Variants in LRRFIP2 observed in about 807,000 individuals in gnomAD.
LRRFIP2 encodes leucine-rich repeat flightless-interacting protein 2.
LRRFIP2 carries 109 observed loss-of-function variants against 125.9 expected under a neutral mutation model. The ratio of observed to expected loss-of-function variants is 0.87; its 90% confidence interval spans 0.74 to 1.01. The LOEUF (loss-of-function observed/expected upper bound fraction) is 1.01, where lower values mean the gene tolerates loss of function less well. LRRFIP2 is among the 50% of genes least tolerant of loss of function. LRRFIP2 has a pLI of 0.00. For missense variants in LRRFIP2, 850 were observed against 862.3 expected (o/e 0.99, Z 0.18); for synonymous variants, 291 against 293.1 (o/e 0.99, Z 0.07).
At chr3:37,068,525 T>C (rs2090570506) in intron 21 of LRRFIP2, 1 of 152,224 alleles carries the variant, frequency 6.6e-6, no homozygotes, top group South Asian at 2.1e-4. Flanking sequence ...TGAAGACTAC[T>C]AAAATACCTT....
intron 18 of LRRFIP2, among the ~76,000 whole-genome samples, chr3:37,087,634 C>T (rs1341103309): frequency 6.6e-6 from 1 of 151,434 alleles, no homozygotes; most frequent in African/African-American, 2.4e-5. Context: ...TGTCACCCAA[C>T]CTGGAGTGCA....
At chr3:37,116,977 TTG>T (rs2094819760) in intron 6 of LRRFIP2, among the ~76,000 whole-genome samples, 1 of 152,066 alleles carries the variant, frequency 6.6e-6, no homozygotes, top group Non-Finnish European at 1.5e-5. Context: ...TAACAAAATC[TTG>T]TTACAAAATT....
chr3:37,152,246 A>G (rs1261516948), intron 1 of LRRFIP2, among the ~76,000 whole-genome samples: 3 of 152,206 alleles, frequency 2.0e-5, no homozygotes, highest in Non-Finnish European at 4.4e-5. Flanking sequence ...AAATATACAG[A>G]CACAAAGGCA....
intron 1 of LRRFIP2, among the ~76,000 whole-genome samples, chr3:37,165,731 G>A (rs538766927): frequency 9.3e-5 from 14 of 149,744 alleles, no homozygotes; most frequent in East Asian, 2.0e-4. Flanking sequence ...ACTCTAGCCC[G>A]GGCAACAAGA....
chr3:37,061,719 A>G (rs970278397), intron 24 of LRRFIP2, among the ~76,000 whole-genome samples: 7 of 152,258 alleles, frequency 4.6e-5, no homozygotes, highest in Middle Eastern at 6.8e-3. Context: ...ACCCAGCCTC[A>G]GGTATTCCTT....
At chr3:37,136,654 C>T (rs1030647920) in intron 2 of LRRFIP2, among the ~76,000 whole-genome samples, 7 of 151,806 alleles carry the variant, frequency 4.6e-5, no homozygotes, top group African/African-American at 9.7e-5. Flanking sequence ...CATTATGAAT[C>T]TCAAAGAAGA....
Position 37,167,234 on chromosome 3 carries a change from GA to G in LRRFIP2, c.-56+7304del, listed in dbSNP as rs2096516384. On this transcript the variant is annotated intron_variant, in intron 1 of 27. Transcript: ENST00000336686. Reference sequence around the variant, plus strand: ...AAAAAGAAAGAAAGAAAGAAAAGAAGAGAAAAAGAAAAGATGCACAATGTCA... The same window carrying G: ...AAAAAGAAAGAAAGAAAGAAAAGAAGGAAAAAGAAAAGATGCACAATGTCA... Among the ~76,000 whole-genome samples, 6 of 149,436 alleles carry G rather than the reference GA, an allele frequency of 4.0e-5. 1 individual carries two copies. Among genetic ancestry groups the G allele is most frequent in the African/African-American group, 1.5e-4 (6 of 40,700 alleles).
intron 6 of LRRFIP2, among the ~76,000 whole-genome samples, chr3:37,119,800 C>T (rs2094945560): frequency 1.3e-5 from 2 of 152,134 alleles, no homozygotes; most frequent in Admixed American, 1.3e-4. Context: ...GCTGGGATTA[C>T]AGGCGTGAGC....
At chr3:37,113,044 T>C in intron 7 of LRRFIP2, 64 bp from the exon 8 acceptor site, 1 of 908,654 alleles carries the variant, frequency 1.1e-6, no homozygotes, top group Non-Finnish European at 1.8e-6. Flanking sequence ...AATAATAAAA[T>C]TCATCTTCAA....
chr3:37,173,267 G>C (rs934066491), intron 1 of LRRFIP2, among the ~76,000 whole-genome samples: 1 of 151,876 alleles, frequency 6.6e-6, no homozygotes, highest in East Asian at 1.9e-4. Context: ...CCTGGCTGGA[G>C]TGCAGTGGTG....
At chr3:37,100,507 CAG>C in intron 15 of LRRFIP2, among the ~76,000 whole-genome samples, 1 of 149,856 alleles carries the variant, frequency 6.7e-6, no homozygotes, top group Middle Eastern at 3.4e-3. Context: ...TATAAAATAA[CAG>C]GGGTTAGCCA....
chr3:37,062,820 T>C (rs960367925), intron 24 of LRRFIP2, among the ~76,000 whole-genome samples: 14 of 152,008 alleles, frequency 9.2e-5, no homozygotes, highest in Admixed American at 9.2e-4. Flanking sequence ...CAAACCCTCT[T>C]CTCAGGAAGC....
intron 1 of LRRFIP2, among the ~76,000 whole-genome samples, chr3:37,164,679 C>T (rs2096432084): frequency 6.6e-6 from 1 of 151,374 alleles, no homozygotes; most frequent in African/African-American, 2.4e-5. Context: ...CAAGATCATG[C>T]CACTGCACTC....
At chr3:37,100,882 C>T (rs1372111419) in intron 15 of LRRFIP2, among the ~76,000 whole-genome samples, 1 of 152,110 alleles carries the variant, frequency 6.6e-6, no homozygotes, top group East Asian at 1.9e-4. Context: ...ATTAGACCCA[C>T]ACCAAGATGA....
intron 2 of LRRFIP2, 28 bp downstream of exon 2, chr3:37,148,866 G>A (rs758885543): frequency 2.5e-6 from 4 of 1,613,532 alleles, no homozygotes; most frequent in Non-Finnish European, 3.4e-6. Context: ...GTGCAACTCA[G>A]TGTTGAGAGG....
chr3:37,075,605 T>C (rs543430174), intron 19 of LRRFIP2, among the ~76,000 whole-genome samples: 2 of 152,278 alleles, frequency 1.3e-5, no homozygotes, highest in South Asian at 4.1e-4. Context: ...ATTAAAAGTC[T>C]CACAACATTA....
Position 37,115,069 on chromosome 3 carries a change from T to C in LRRFIP2, c.357A>G (p.Ser119=), listed in dbSNP as rs2094717293. The C allele has an allele frequency of 6.2e-7, 1 of 1,607,192 alleles. No individual in the cohort carries two copies. Among genetic ancestry groups the C allele is most frequent in the Non-Finnish European group, 8.5e-7 (1 of 1,175,812 alleles). ...TGCTACATACTAATGATGAAAGTCT[T>C]GATGATCTATCCTTGAACATATCAT... The part of the protein sequence containing the change: ...HRYDMFKDRS[S]RLSSLNHSYS... The change falls in exon 7 of 28, where the codon TCA becomes TCG. Residue 119 remains serine, a synonymous_variant. Coordinates refer to ENST00000336686, the MANE Select transcript of LRRFIP2 (RefSeq NM_006309.4).
intron 15 of LRRFIP2, among the ~76,000 whole-genome samples, chr3:37,100,486 A>G (rs7616160): frequency 0.53 from 79,598 of 151,400 alleles, 22,063 homozygotes; most frequent in African/African-American, 0.64. Context: ...ATAAACCAGT[A>G]GCTTGCAGAC....
intron 25 of LRRFIP2, among the ~76,000 whole-genome samples, chr3:37,057,377 T>C (rs1439313209): frequency 3.3e-5 from 5 of 152,230 alleles, no homozygotes; most frequent in Non-Finnish European, 7.3e-5. Flanking sequence ...CCTTTTCCCA[T>C]GTCCCTGTTC....
Sources: allele counts gnomAD v4.1 joint callset (sites outside exome capture counted in the v4.1 genomes callset), GRCh38; gene constraint gnomAD v4.1.1; transcripts MANE v1.5; gene names NCBI Gene and HGNC (gene_info 2026-07-23, HGNC 2026-07-21).